SFR1: variants seen among roughly 807,000 people sequenced by gnomAD.
SFR1 encodes swi5-dependent recombination DNA repair protein 1 homolog.
Under a neutral mutation model 26.2 loss-of-function variants are expected in SFR1, and 24 were observed. The observed-to-expected ratio is 0.92, with a 90% CI of 0.66 to 1.29. The LOEUF (loss-of-function observed/expected upper bound fraction) is 1.29. Among genes scored for constraint, SFR1 ranks in the 50% most tolerant of loss-of-function variants. SFR1 has a pLI of 0.00. For missense variants in SFR1, 276 were observed against 270.2 expected, an observed-to-expected ratio of 1.02 and a Z score of -0.15; for synonymous variants, 77 against 96.6, an observed-to-expected ratio of 0.80 and a Z score of 1.19.
chr10:104,120,827 CAGGTTCTGTAATTATTA>C (rs1245491451), upstream of SFR1, among the ~76,000 whole-genome samples: 1 of 152,194 alleles, frequency 6.6e-6, no homozygotes, highest in African/African-American at 2.4e-5. Context: ...AGGTAGTCCT[CAGGTTCTGTAATTATTA>C]TACCTGACTG....
intron 1 of SFR1, chr10:104,122,508 T>C (rs558217564): frequency 2.0e-6 from 2 of 985,454 alleles, no homozygotes; most frequent in African/African-American, 1.7e-5. Flanking sequence ...GTGTTTCTTA[T>C]GCCTCGGGCC....
intron 3 of SFR1, 52 bp downstream of exon 3, chr10:104,124,176 A>T (rs1276260699): frequency 1.4e-6 from 2 of 1,403,632 alleles, no homozygotes; most frequent in African/African-American, 3.0e-5. Context: ...CATAAATTAC[A>T]GGAAAGTAAT....
upstream of SFR1, among the ~76,000 whole-genome samples, chr10:104,121,114 G>T (rs909731878): frequency 6.6e-6 from 1 of 151,922 alleles, no homozygotes; most frequent in East Asian, 1.9e-4. Flanking sequence ...GGCGCGGGGG[G>T]GGGATTTTCT....
chr10:104,122,163 G>C, upstream of SFR1: 1 of 1,548,492 alleles, frequency 6.5e-7, no homozygotes. Context: ...AGGTGCGCGC[G>C]CTTTTTTGCT....
rs2086996990 is a variant in SFR1 at position 104,123,920 on chromosome 10, T to C, written c.342T>C (p.Asn114=). ...HIDSEFEENT[N]LKNTLKNLNV... is the part of the protein sequence containing the mutation. ...ACAGTGAATTTGAAGAAAATACAAA[T>C]TTGAAAAATACTTTGAAGAATCTCA... Residue 114 remains asparagine (N), a synonymous_variant, in exon 3 of 4, where the codon AAT becomes AAC. Coordinates refer to ENST00000369727, the MANE Select transcript of SFR1 (RefSeq NM_001002759.2). The C allele has an allele frequency of 6.2e-7, 1 of 1,613,070 alleles. No homozygotes were observed. The highest frequency in any genetic ancestry group is 8.5e-7 in the Non-Finnish European group (1 of 1,179,732).
chr10:104,123,684 C>T (rs371700852), intron 2 of SFR1, 30 bp from the exon 3 acceptor site: 1 of 1,491,956 alleles, frequency 6.7e-7, no homozygotes, highest in Non-Finnish European at 9.0e-7. Context: ...TTTCTTGATT[C>T]ACATTTTTAA....
At chr10:104,120,648 C>T (rs997793255), upstream of SFR1, among the ~76,000 whole-genome samples, 1 of 152,158 alleles carries the variant, frequency 6.6e-6, no homozygotes, top group Non-Finnish European at 1.5e-5. Context: ...AGATACCTAG[C>T]TCTGTTCCAG....
upstream of SFR1, among the ~76,000 whole-genome samples, chr10:104,120,494 C>T (rs1164989967): frequency 2.0e-5 from 3 of 152,072 alleles, no homozygotes; most frequent in Admixed American, 1.3e-4. Context: ...TCTTACAGAT[C>T]ACAGCATCTT....
In SFR1 at chr10:104,126,368, TATATGTCCAAA is replaced by T. The variant is rs1187118242; in HGVS notation, c.*666_*676del. 8.5e-5 allele frequency: 13 copies of T among 152,842 alleles called. No homozygotes were observed. Among genetic ancestry groups the T allele is most frequent in the African/African-American group, 3.1e-4 (13 of 41,600 alleles). 9.5% of individuals were successfully genotyped at this position (152,842 alleles called of 1,614,324 possible). A position where few individuals can be genotyped will look rare whatever the true frequency, so the allele number is the denominator to read the frequency against. On this transcript the variant is annotated 3_prime_UTR_variant, in exon 4 of 4. Coordinates refer to ENST00000369727, the MANE Select transcript of SFR1 (RefSeq NM_001002759.2). ...TGATAGTCTAGCAGGTAATTAAACT[TATATGTCCAAA>T]ACCATATTCTTCCCTGTCTCTTCAA... is the stretch of plus-strand genomic sequence containing the variant.
At chr10:104,120,579 A>C (rs1003925160), upstream of SFR1, among the ~76,000 whole-genome samples, 1 of 152,190 alleles carries the variant, frequency 6.6e-6, no homozygotes, top group African/African-American at 2.4e-5. Context: ...CATTCCCTTA[A>C]ATCCATTAGG....
In SFR1 at chr10:104,123,018, G is replaced by GT. The variant is rs747303558; in HGVS notation, c.71dup (p.Leu24PhefsTer3). The GT allele has an allele frequency of 1.7e-5, 28 of 1,613,656 alleles. No individual in the cohort carries two copies. Among genetic ancestry groups the GT allele is most frequent in the Non-Finnish European group, 2.3e-5 (27 of 1,179,962 alleles). ...GGAAAGTCCGTCAGACTCAGCTGTG[G>GT]TTTTACCTAGCACTCCTCAGGCCTC... On this transcript the variant is annotated frameshift_variant, in exon 2 of 4. Coordinates refer to ENST00000369727, the MANE Select transcript of SFR1 (RefSeq NM_001002759.2). LOFTEE classifies it high-confidence loss of function.
rs1469952877 is a variant in SFR1 at position 104,126,280 on chromosome 10, T to A, written c.*576T>A. On this transcript the variant is annotated 3_prime_UTR_variant, in exon 4 of 4. Transcript: ENST00000369727. The stretch of plus-strand genomic sequence containing the variant: ...CTGGTGAATGTCTAACCCTAAAGTT[T>A]AAAAATTTCTGCCTCCTAAGTTTAT... 1 of 152,690 alleles carries A rather than the reference T, an allele frequency of 6.5e-6. No individual in the cohort carries two copies. Among genetic ancestry groups the A allele is most frequent in the Non-Finnish European group, 1.5e-5 (1 of 68,048 alleles). 9.5% of individuals were successfully genotyped at this position (152,690 alleles called of 1,614,324 possible).
chr10:104,122,220 G>T (rs1564696284), intron 1 of SFR1, 24 bp downstream of exon 1: 4 of 1,535,206 alleles, frequency 2.6e-6, no homozygotes, highest in Non-Finnish European at 3.5e-6. Flanking sequence ...GGGAAGGGGG[G>T]ATCCCTGACA....
At chr10:104,121,917 C>A (rs1345743779), upstream of SFR1, 1 of 445,800 alleles carries the variant, frequency 2.2e-6, no homozygotes, top group Non-Finnish European at 4.0e-6. Context: ...TGCTCTCGGG[C>A]GCTGGGCGGG....
At chr10:104,123,689 T>A (rs965836878) in intron 2 of SFR1, 25 bp from the exon 3 acceptor site, 3 of 1,512,190 alleles carry the variant, frequency 2.0e-6, no homozygotes, top group Non-Finnish European at 2.7e-6. Context: ...TGATTCACAT[T>A]TTTAATGTTT....
At chr10:104,122,732 T>G in intron 1 of SFR1, 1 of 1,428,998 alleles carries the variant, frequency 7.0e-7, no homozygotes, top group Non-Finnish European at 9.1e-7. Context: ...AAGGAGAGTC[T>G]TGTGACTATG....
At chr10:104,122,134 A>T, upstream of SFR1, 3 of 1,546,378 alleles carry the variant, frequency 1.9e-6, no homozygotes, top group Non-Finnish European at 2.6e-6. Context: ...CCCCTGCCAC[A>T]GGATCGATTT....
intron 3 of SFR1, 94 bp downstream of exon 3, chr10:104,124,218 T>G: frequency 8.9e-7 from 1 of 1,122,094 alleles, no homozygotes; most frequent in East Asian, 2.8e-5. Context: ...TTTACCATAA[T>G]AAGCAATAAG....
At position 104,123,899 on chromosome 10, in the gene SFR1, T is replaced by C. The variant is rs1292419754; in HGVS notation, c.321T>C (p.Ser107=). 1.5e-5 allele frequency: 24 copies of C among 1,612,570 alleles called. No individual in the cohort carries two copies. The highest frequency in any genetic ancestry group is 2.7e-5 in the African/African-American group (2 of 74,828). Residue 107 remains serine, a synonymous_variant, in exon 3 of 4, where the codon AGT becomes AGC. Transcript: ENST00000369727. ...AAGAAAGTTTTAAACATATAGACAG[T>C]GAATTTGAAGAAAATACAAATTTGA... is the stretch of plus-strand genomic sequence containing the variant. The part of the protein sequence containing the change: ...EFQESFKHID[S]EFEENTNLKN...
Sources: allele counts gnomAD v4.1 joint callset (sites outside exome capture counted in the v4.1 genomes callset), GRCh38; gene constraint gnomAD v4.1.1; transcripts MANE v1.5; gene names NCBI Gene and HGNC (gene_info 2026-07-23, HGNC 2026-07-21).